FHIT: variants seen among roughly 807,000 people sequenced by gnomAD.
FHIT encodes the protein fragile histidine triad diadenosine triphosphatase, also known as bis(5'-adenosyl)-triphosphatase.
A neutral mutation model predicts 17.9 loss-of-function variants in FHIT; 19 were observed. That is an observed-to-expected ratio of 1.06 (90% CI 0.74 to 1.56). FHIT has a LOEUF of 1.56. Ranked by LOEUF, FHIT falls within the 40% of genes most tolerant of loss-of-function variation. The probability of loss-of-function intolerance (pLI) is 0.00; values close to 1 mark genes in which losing one functional copy is unlikely to be tolerated. For synonymous variants in FHIT, 81 were observed against 69.7 expected (o/e 1.16, Z -0.81); for missense variants, 248 against 189.2 (o/e 1.31, Z -1.82).
intron 7 of FHIT, among the ~76,000 whole-genome samples, chr3:59,925,694 C>T (rs766283275): frequency 6.6e-6 from 1 of 152,140 alleles, no homozygotes; most frequent in African/African-American, 2.4e-5. Flanking sequence ...ACACTGAAAC[C>T]GTAAATAGCT....
intron 1 of FHIT, among the ~76,000 whole-genome samples, chr3:61,210,255 G>C (rs1231691336): frequency 6.6e-6 from 1 of 152,208 alleles, no homozygotes; most frequent in Non-Finnish European, 1.5e-5. Context: ...CGGGGGTCAG[G>C]GACCCACTTG....
At position 60,941,986 on chromosome 3, in the gene FHIT, C is replaced by CTGT. The variant is rs1257727287; in HGVS notation, c.-111+100058_-111+100060dup. Among the ~76,000 whole-genome samples the CTGT allele has an allele frequency of 5.3e-5, 8 of 152,170 alleles. No homozygotes were observed. The East Asian group carries it at 5.8e-4, about 11-fold the overall frequency. The stretch of plus-strand genomic sequence containing the variant: ...CACTTACCAAAATTGTAAATAGTTT[C>CTGT]TGTTGTTGTTGTTGTTTTTGAGATG... On this transcript the variant is annotated intron_variant, in intron 3 of 9. Transcript: ENST00000492590.
At chr3:60,083,529 T>C (rs1379934301) in intron 5 of FHIT, among the ~76,000 whole-genome samples, 1 of 152,042 alleles carries the variant, frequency 6.6e-6, no homozygotes, top group Non-Finnish European at 1.5e-5. Context: ...AACCTGTATA[T>C]TGCTTTGGGC....
chr3:60,889,167 T>A (rs1287700936), intron 3 of FHIT, among the ~76,000 whole-genome samples: 1 of 152,164 alleles, frequency 6.6e-6, no homozygotes, highest in Non-Finnish European at 1.5e-5. Context: ...ATAACCATTT[T>A]TTTTCCCTCC....
chr3:60,124,011 G>C (rs866336660), intron 5 of FHIT, among the ~76,000 whole-genome samples: 7 of 34,892 alleles, frequency 2.0e-4, no homozygotes, highest in African/African-American at 8.8e-4. Context: ...TATATATATA[G>C]AGAGAGAGAG....
At chr3:60,816,379 T>C (rs1169370153) in intron 4 of FHIT, among the ~76,000 whole-genome samples, 2 of 152,258 alleles carry the variant, frequency 1.3e-5, no homozygotes, top group African/African-American at 4.8e-5. Flanking sequence ...TGTGGTTTTA[T>C]CATAGATGGC....
At chr3:60,383,754 G>T (rs975597326) in intron 5 of FHIT, among the ~76,000 whole-genome samples, 2 of 152,046 alleles carry the variant, frequency 1.3e-5, no homozygotes, top group African/African-American at 4.8e-5. Context: ...TATAAAAATA[G>T]CATTTTTCAA....
intron 4 of FHIT, among the ~76,000 whole-genome samples, chr3:60,769,668 T>C (rs9837219): frequency 0.043 from 6,597 of 152,226 alleles, 471 homozygotes; most frequent in African/African-American, 0.15. Flanking sequence ...AACAGTGAGA[T>C]TGGTTACAGC....
chr3:60,732,693 T>TTTTTTTTTG (rs1553711644), intron 4 of FHIT: 1 of 346,370 alleles, frequency 2.9e-6, no homozygotes, highest in East Asian at 6.6e-5. Flanking sequence ...GCTTTTTTTT[T>TTTTTTTTTG]TTTTTTTTTT....
chr3:60,814,721 C>T (rs1381936259), intron 4 of FHIT, among the ~76,000 whole-genome samples: 4 of 152,044 alleles, frequency 2.6e-5, no homozygotes, highest in Non-Finnish European at 4.4e-5. Flanking sequence ...TGGATCTATA[C>T]ACAGTAATGG....
chr3:59,866,747 G>A (rs373487853), intron 8 of FHIT, among the ~76,000 whole-genome samples: 4 of 152,274 alleles, frequency 2.6e-5, no homozygotes, highest in African/African-American at 9.6e-5. Flanking sequence ...TGCTTAGAAA[G>A]AATAGAATAA....
At chr3:59,957,792 T>G (rs1707476568) in intron 7 of FHIT, among the ~76,000 whole-genome samples, 1 of 152,232 alleles carries the variant, frequency 6.6e-6, no homozygotes, top group Non-Finnish European at 1.5e-5. Flanking sequence ...TTTACTTAAT[T>G]TGTACATGTT....
intron 5 of FHIT, among the ~76,000 whole-genome samples, chr3:60,079,196 G>A (rs894069906): frequency 5.3e-5 from 8 of 152,086 alleles, no homozygotes; most frequent in Non-Finnish European, 7.4e-5. Context: ...ATTAGAGGGC[G>A]TTACTGTCTG....
chr3:60,212,658 A>G (rs912600109), intron 5 of FHIT, among the ~76,000 whole-genome samples: 2 of 152,186 alleles, frequency 1.3e-5, no homozygotes, highest in Admixed American at 6.6e-5. Flanking sequence ...GAAAAAATCT[A>G]TGGGGAGAGG....
chr3:60,637,832 GCATTT>G (rs1257139375), intron 4 of FHIT, among the ~76,000 whole-genome samples: 1 of 152,152 alleles, frequency 6.6e-6, no homozygotes, highest in Non-Finnish European at 1.5e-5. Flanking sequence ...GGACTTTTAA[GCATTT>G]CTTTTCACGG....
chr3:60,057,285 A>G (rs971154817), intron 5 of FHIT, among the ~76,000 whole-genome samples: 4 of 152,200 alleles, frequency 2.6e-5, no homozygotes, highest in Admixed American at 6.5e-5. Context: ...CCCAAAAGTC[A>G]TATACTAATA....
chr3:60,791,072 G>C (rs1700761284), intron 4 of FHIT, among the ~76,000 whole-genome samples: 1 of 152,134 alleles, frequency 6.6e-6, no homozygotes, highest in Admixed American at 6.6e-5. Flanking sequence ...AGGAGCCCTA[G>C]TGGTCCTTTG....
At chr3:60,602,716 G>A (rs1224613052) in intron 4 of FHIT, among the ~76,000 whole-genome samples, 4 of 152,082 alleles carry the variant, frequency 2.6e-5, no homozygotes, top group African/African-American at 7.2e-5. Context: ...GAATACTTAT[G>A]TCTTCTCCAA....
chr3:60,345,482 G>C (rs745827579), intron 5 of FHIT, among the ~76,000 whole-genome samples: 1 of 152,158 alleles, frequency 6.6e-6, no homozygotes, highest in Non-Finnish European at 1.5e-5. Flanking sequence ...GACCTATGTG[G>C]ATACTCTCCT....
Sources: allele counts gnomAD v4.1 joint callset (sites outside exome capture counted in the v4.1 genomes callset), GRCh38; gene constraint gnomAD v4.1.1; transcripts MANE v1.5; gene names NCBI Gene and HGNC (gene_info 2026-07-23, HGNC 2026-07-21).